MARCHF10: variants seen among roughly 807,000 people sequenced by gnomAD.
MARCHF10 encodes probable E3 ubiquitin-protein ligase MARCHF10.
A neutral mutation model predicts 76.2 loss-of-function variants in MARCHF10; 64 were observed. That is an observed-to-expected ratio of 0.84 (90% CI 0.69 to 1.03). The LOEUF is 1.03. Ranked by LOEUF, MARCHF10 falls within the 50% of genes least tolerant of loss-of-function variation. The pLI, the probability that MARCHF10 is intolerant of heterozygous loss-of-function variation, is 0.00. For synonymous variants in MARCHF10, 340 were observed against 357.5 expected (o/e 0.95, Z 0.55); for missense variants, 875 against 958.0 (o/e 0.91, Z 1.14).
intron 8 of MARCHF10, among the ~76,000 whole-genome samples, chr17:62,721,364 CTT>C (rs146401118): frequency 1.3e-4 from 19 of 148,012 alleles, no homozygotes; most frequent in Admixed American, 1.1e-3. Context: ...TATTACCCCC[CTT>C]TTTTTTTTTG....
rs116826881 is a variant in MARCHF10 at position 62,805,507 on chromosome 17, C to A, written c.-18+2570G>T. Among the ~76,000 whole-genome samples, 813 of 152,302 alleles carry A rather than the reference C, an allele frequency of 5.3e-3. 13 individuals carry two copies. The highest frequency in any genetic ancestry group is 0.019 in the African/African-American group (776 of 41,572). ...TAGAAAGCCGGTTAATCTATCACGGCTTTAGAGCAGGGTTAATTTAAGGAG... is the reference window on the plus strand; with the variant it reads ...TAGAAAGCCGGTTAATCTATCACGGATTTAGAGCAGGGTTAATTTAAGGAG... On this transcript the variant is annotated intron_variant, in intron 1 of 10. Transcript: ENST00000311269.
rs551633772 is a variant in MARCHF10, at chr17:62,766,240, C to T, written c.211-6234G>A. 2.9e-4 allele frequency among the ~76,000 whole-genome samples: 44 copies of T among 152,250 alleles called. 1 individual carries two copies. In the South Asian group the frequency reaches 3.9e-3, roughly 14 times the overall value. ...TTGGGGCCGGACGCGGTGGCTCACG[C>T]CTGTAATCCCAGCACTTTGGGAGGC... On this transcript the variant is annotated intron_variant, in intron 3 of 10. Coordinates refer to ENST00000311269, the MANE Select transcript of MARCHF10 (RefSeq NM_152598.4).
At chr17:62,772,581 T>A (rs527280347) in intron 3 of MARCHF10, among the ~76,000 whole-genome samples, 1 of 152,238 alleles carries the variant, frequency 6.6e-6, no homozygotes, top group East Asian at 1.9e-4. Context: ...GATTTGGGGA[T>A]CAAAGTGAGG....
chr17:62,751,939 G>A lies in MARCHF10; in HGVS notation c.383-7411C>T, dbSNP rs554851832. Among the ~76,000 whole-genome samples the A allele has an allele frequency of 9.8e-4, 149 of 151,952 alleles. 2 individuals carry two copies. The highest frequency in any genetic ancestry group is 3.4e-3 in the Middle Eastern group (1 of 294). On this transcript the variant is annotated intron_variant, in intron 4 of 10. Transcript: ENST00000311269. ...GGAGGCTGAGGCAGGAGAATCGCTT[G>A]AACCTGGGAGGCAGAGGTTTCAGTG... is the stretch of plus-strand genomic sequence containing the variant.
chr17:62,728,858 C>A (rs897780702), intron 6 of MARCHF10, among the ~76,000 whole-genome samples: 2 of 151,960 alleles, frequency 1.3e-5, no homozygotes, highest in Admixed American at 6.6e-5. Context: ...ATGGGCAAAT[C>A]CAAATCAGAG....
At chr17:62,800,131 G>A (rs1003774295) in intron 2 of MARCHF10, among the ~76,000 whole-genome samples, 6 of 152,098 alleles carry the variant, frequency 3.9e-5, no homozygotes, top group Non-Finnish European at 5.9e-5. Flanking sequence ...AGAATTCCAG[G>A]AGAACAGAGG....
chr17:62,721,473 T>C (rs2090483916), intron 8 of MARCHF10, among the ~76,000 whole-genome samples: 1 of 152,118 alleles, frequency 6.6e-6, no homozygotes, highest in African/African-American at 2.4e-5. Context: ...GCTTGTGACT[T>C]CTATATTGAA....
At chr17:62,769,198 T>C (rs1004783983) in intron 3 of MARCHF10, among the ~76,000 whole-genome samples, 1 of 152,202 alleles carries the variant, frequency 6.6e-6, no homozygotes, top group Non-Finnish European at 1.5e-5. Context: ...GTTTGATCTA[T>C]AGGATAAGGT....
At chr17:62,706,298 C>T (rs768734780) in intron 9 of MARCHF10, 1 of 152,316 alleles carries the variant, frequency 6.6e-6, no homozygotes, top group Non-Finnish European at 1.5e-5. Flanking sequence ...GATGGAATTT[C>T]ATCTAGAGTA....
In MARCHF10 at chr17:62,735,780, A is replaced by G. The variant is rs542879405; in HGVS notation, c.1937+151T>C. The G allele has an allele frequency of 1.2e-4, 79 of 659,414 alleles. No homozygotes were observed. The South Asian group carries it at 1.6e-3, about 13-fold the overall frequency. 40.8% of individuals were successfully genotyped at this position (659,414 alleles called of 1,614,324 possible). A position where few individuals can be genotyped will look rare whatever the true frequency, so the allele number is the denominator to read the frequency against. On this transcript the variant is annotated intron_variant, in intron 6 of 10. Transcript: ENST00000311269. Reference sequence around the variant, plus strand: ...AATACGTATATTTTAAGAGCAACAAAACAGAGACAATTTTCTCAAAATAAG... The same window carrying G: ...AATACGTATATTTTAAGAGCAACAAGACAGAGACAATTTTCTCAAAATAAG...
chr17:62,723,393 A>G (rs1198444541), intron 7 of MARCHF10, among the ~76,000 whole-genome samples: 4 of 151,708 alleles, frequency 2.6e-5, no homozygotes, highest in Admixed American at 2.0e-4. Context: ...AGAAAATAAA[A>G]GACCTATTAG....
chr17:62,796,007 C>T (rs2092978246), intron 2 of MARCHF10, among the ~76,000 whole-genome samples: 1 of 151,642 alleles, frequency 6.6e-6, no homozygotes, highest in Non-Finnish European at 1.5e-5. Context: ...TGCAATTGAT[C>T]CTTTTTTTTT....
At chr17:62,717,157 C>G (rs998571629) in intron 8 of MARCHF10, among the ~76,000 whole-genome samples, 1 of 152,256 alleles carries the variant, frequency 6.6e-6, no homozygotes, top group Non-Finnish European at 1.5e-5. Flanking sequence ...AGTCAGGCTC[C>G]CTGGGGCCTG....
intron 3 of MARCHF10, among the ~76,000 whole-genome samples, chr17:62,771,574 ATTTT>A (rs1207861655): frequency 2.4e-5 from 3 of 126,250 alleles, no homozygotes; most frequent in East Asian, 2.4e-4. Flanking sequence ...GTCAATATCT[ATTTT>A]TTTTTTTTTT....
chr17:62,788,699 T>C (rs1011227197), intron 2 of MARCHF10, 100 bp from the exon 3 acceptor site: 15 of 1,461,496 alleles, frequency 1.0e-5, no homozygotes, highest in Non-Finnish European at 1.1e-5. Flanking sequence ...ATAAATGATA[T>C]GCATCTCCAG....
At chr17:62,739,580 C>T (rs2147832443) in intron 5 of MARCHF10, among the ~76,000 whole-genome samples, 1 of 152,146 alleles carries the variant, frequency 6.6e-6, no homozygotes, top group East Asian at 1.9e-4. Flanking sequence ...AGGGTTTCTC[C>T]ATGTTGGTCA....
intron 4 of MARCHF10, among the ~76,000 whole-genome samples, chr17:62,756,388 G>A (rs2092044167): frequency 1.3e-5 from 2 of 152,340 alleles, no homozygotes; most frequent in South Asian, 2.1e-4. Context: ...TGAGGTTGCA[G>A]TGACCTATGA....
chr17:62,753,845 G>A (rs984207711), intron 4 of MARCHF10, among the ~76,000 whole-genome samples: 3 of 152,164 alleles, frequency 2.0e-5, no homozygotes, highest in Non-Finnish European at 2.9e-5. Flanking sequence ...GGCAGGCCCC[G>A]TGTGTTTTGT....
At chr17:62,786,557 G>A (rs535072709) in intron 3 of MARCHF10, among the ~76,000 whole-genome samples, 1 of 152,178 alleles carries the variant, frequency 6.6e-6, no homozygotes, top group South Asian at 2.1e-4. Context: ...GTTGAGTGGG[G>A]TGAATAATAA....
Sources: allele counts gnomAD v4.1 joint callset (sites outside exome capture counted in the v4.1 genomes callset), GRCh38; gene constraint gnomAD v4.1.1; transcripts MANE v1.5; gene names NCBI Gene and HGNC (gene_info 2026-07-23, HGNC 2026-07-21).